CNTN5: variants seen among roughly 807,000 people sequenced by gnomAD.
CNTN5 encodes contactin 5.
CNTN5 carries 77 observed loss-of-function variants against 129.1 expected under a neutral mutation model. The ratio of observed to expected loss-of-function variants is 0.60; its 90% confidence interval spans 0.50 to 0.72. The LOEUF is 0.72. Among genes scored for constraint, CNTN5 ranks in the 30% least tolerant of loss-of-function variants. CNTN5 has a pLI of 0.00. For synonymous variants in CNTN5, 509 were observed against 465.6 expected, an observed-to-expected ratio of 1.09 and a Z score of -1.20; for missense variants, 1,478 against 1,328.8, an observed-to-expected ratio of 1.11 and a Z score of -1.75.
At chr11:99,318,689 T>C (rs1271330625) in intron 1 of CNTN5, among the ~76,000 whole-genome samples, 1 of 152,096 alleles carries the variant, frequency 6.6e-6, no homozygotes, top group Non-Finnish European at 1.5e-5. Context: ...TACTCCCCCA[T>C]GAAGAACCAG....
At position 100,007,706 on chromosome 11, in the gene CNTN5, C is replaced by G. The variant is rs536233795; in HGVS notation, c.980+5570C>G. On this transcript the variant is annotated intron_variant, in intron 9 of 24. Coordinates refer to ENST00000524871, the MANE Select transcript of CNTN5 (RefSeq NM_014361.4). ...GATCTACCCAGACCATTAAAACTTT[C>G]TTTCTATCAGCAATAAGCCTGTTTT... is the stretch of plus-strand genomic sequence containing the variant. Among the ~76,000 whole-genome samples the G allele has an allele frequency of 3.3e-5, 5 of 152,134 alleles. No homozygotes were observed. The South Asian group carries it at 8.3e-4, about 25-fold the overall frequency.
At chr11:99,382,874 TTA>T (rs1491512917) in intron 2 of CNTN5, among the ~76,000 whole-genome samples, 3 of 141,894 alleles carry the variant, frequency 2.1e-5, no homozygotes, top group African/African-American at 7.9e-5. Context: ...TTTTTTTTTT[TTA>T]GACAGAGTCT....
chr11:99,645,573 G>C (rs1297715375), intron 3 of CNTN5, among the ~76,000 whole-genome samples: 1 of 152,036 alleles, frequency 6.6e-6, no homozygotes, highest in Non-Finnish European at 1.5e-5. Flanking sequence ...TGATAGACTG[G>C]ATTAAGAAAA....
rs951369179 is a variant in CNTN5, at chr11:100,095,816, C to G, written c.1580+21522C>G. Reference sequence around the variant, plus strand: ...TAGTCAGTTTTTATCTACACGTGTGCCTTCGGTGATTTATTTAAGCATTCC... The same window carrying G: ...TAGTCAGTTTTTATCTACACGTGTGGCTTCGGTGATTTATTTAAGCATTCC... On this transcript the variant is annotated intron_variant, in intron 13 of 24. Coordinates refer to ENST00000524871, the MANE Select transcript of CNTN5 (RefSeq NM_014361.4). Among the ~76,000 whole-genome samples the G allele has an allele frequency of 3.3e-5, 5 of 152,124 alleles. No homozygotes were observed. In the South Asian group the frequency reaches 8.3e-4, roughly 25 times the overall value.
At chr11:99,329,381 C>T (rs282497) in intron 2 of CNTN5, among the ~76,000 whole-genome samples, 90,096 of 151,932 alleles carry the variant, frequency 0.59, 27,533 homozygotes, top group African/African-American at 0.68. Context: ...TTAATATTTC[C>T]GTTGTGGAAA....
chr11:99,582,503 T>C (rs1208306103), intron 3 of CNTN5, among the ~76,000 whole-genome samples: 1 of 152,208 alleles, frequency 6.6e-6, no homozygotes, highest in Non-Finnish European at 1.5e-5. Flanking sequence ...AGTGCCATAT[T>C]TCTTGGAGGC....
At chr11:99,973,450 T>C (rs1827421811) in intron 8 of CNTN5, among the ~76,000 whole-genome samples, 1 of 152,210 alleles carries the variant, frequency 6.6e-6, no homozygotes, top group African/African-American at 2.4e-5. Context: ...GTCTTTCTTT[T>C]GTTAATAAGA....
Position 99,972,479 on chromosome 11 carries a change from G to T in CNTN5, c.877+15470G>T, listed in dbSNP as rs531569224. Among the ~76,000 whole-genome samples, 3 of 152,226 alleles carry T rather than the reference G, an allele frequency of 2.0e-5. No homozygotes were observed. The East Asian group carries it at 5.8e-4, about 29-fold the overall frequency. Reference sequence around the variant, plus strand: ...AGGATACAAGAGCAGCCCTCTCCCAGCTGAAAGTACTAGGAATAGTTAAAT... The same window carrying T: ...AGGATACAAGAGCAGCCCTCTCCCATCTGAAAGTACTAGGAATAGTTAAAT... On this transcript the variant is annotated intron_variant, in intron 8 of 24. Coordinates refer to ENST00000524871, the MANE Select transcript of CNTN5 (RefSeq NM_014361.4).
intron 13 of CNTN5, among the ~76,000 whole-genome samples, chr11:100,128,017 CT>C (rs1163199568): frequency 6.6e-6 from 1 of 152,024 alleles, no homozygotes; most frequent in Admixed American, 6.6e-5. Flanking sequence ...CCTACACTGT[CT>C]TTTCTAATAT....
At chr11:99,958,179 A>G (rs1264711772) in intron 8 of CNTN5, among the ~76,000 whole-genome samples, 1 of 152,340 alleles carries the variant, frequency 6.6e-6, no homozygotes, top group Admixed American at 6.5e-5. Context: ...AAACCAATTC[A>G]GGGGCTACAA....
At position 99,451,187 on chromosome 11, in the gene CNTN5, G is replaced by A. The variant is rs1222143251; in HGVS notation, c.-70-104958G>A. On this transcript the variant is annotated intron_variant, in intron 2 of 24. Coordinates refer to ENST00000524871, the MANE Select transcript of CNTN5 (RefSeq NM_014361.4). ...AAAGGATGGAAAATTTTAAAATTAG[G>A]TAAATTACTATCTAATAGCAATAAC... is the stretch of plus-strand genomic sequence containing the variant. Among the ~76,000 whole-genome samples the A allele has an allele frequency of 6.6e-5, 10 of 152,124 alleles. No individual in the cohort carries two copies. The Middle Eastern group carries it at 0.01, about 155-fold the overall frequency.
intron 1 of CNTN5, among the ~76,000 whole-genome samples, chr11:99,034,870 A>C (rs1389212829): frequency 5.9e-3 from 787 of 133,960 alleles, no homozygotes; most frequent in African/African-American, 0.012. Context: ...TTAGGGTGTC[A>C]GTTTTAGATC....
chr11:100,138,614 G>C (rs1315837873), intron 13 of CNTN5, among the ~76,000 whole-genome samples: 1 of 152,062 alleles, frequency 6.6e-6, no homozygotes, highest in Non-Finnish European at 1.5e-5. Flanking sequence ...TTGAGTGATG[G>C]GGAGAGCGGT....
intron 8 of CNTN5, among the ~76,000 whole-genome samples, chr11:99,984,048 A>G (rs1376659825): frequency 6.6e-6 from 1 of 152,164 alleles, no homozygotes; most frequent in Non-Finnish European, 1.5e-5. Context: ...CAGGCAGATC[A>G]CTTGAGGTCA....
intron 9 of CNTN5, among the ~76,000 whole-genome samples, chr11:100,032,047 G>A (rs569511275): frequency 6.6e-6 from 1 of 152,216 alleles, no homozygotes; most frequent in South Asian, 2.1e-4. Flanking sequence ...GTGGGCTGCT[G>A]GCCAGATCCC....
In CNTN5 at chr11:99,510,062, G is replaced by A. The variant is rs7943353; in HGVS notation, c.-70-46083G>A. On this transcript the variant is annotated intron_variant, in intron 2 of 24. Coordinates refer to ENST00000524871, the MANE Select transcript of CNTN5 (RefSeq NM_014361.4). ...GTTTCTATTATGGGGCTTAAATTGC[G>A]TAATACTGGCAGATTACTTAAAACA... 8.2e-3 allele frequency among the ~76,000 whole-genome samples: 1,243 copies of A among 151,526 alleles called. 17 individuals carry two copies. The highest frequency in any genetic ancestry group is 0.027 in the African/African-American group (1,133 of 41,308).
intron 3 of CNTN5, among the ~76,000 whole-genome samples, chr11:99,659,384 T>A (rs1369813693): frequency 6.6e-6 from 1 of 152,160 alleles, no homozygotes; most frequent in Non-Finnish European, 1.5e-5. Context: ...ACATAACAAA[T>A]TTTATGTTTA....
At chr11:99,286,799 T>C (rs1023666059) in intron 1 of CNTN5, among the ~76,000 whole-genome samples, 4 of 152,076 alleles carry the variant, frequency 2.6e-5, no homozygotes, top group African/African-American at 9.7e-5. Flanking sequence ...AAAAGAAACT[T>C]TATAATGTAA....
intron 8 of CNTN5, among the ~76,000 whole-genome samples, chr11:100,001,023 G>C (rs955164746): frequency 6.6e-6 from 1 of 152,216 alleles, no homozygotes; most frequent in Admixed American, 6.5e-5. Flanking sequence ...GGCCTGTGAT[G>C]AGAGGGGCTG....
Sources: allele counts gnomAD v4.1 joint callset (sites outside exome capture counted in the v4.1 genomes callset), GRCh38; gene constraint gnomAD v4.1.1; transcripts MANE v1.5; gene names NCBI Gene and HGNC (gene_info 2026-07-23, HGNC 2026-07-21).